PHACTR1: variants seen among roughly 807,000 people sequenced by gnomAD.
PHACTR1 encodes RPEL repeat containing 1.
PHACTR1 carries 16 observed loss-of-function variants against 69.2 expected under a neutral mutation model. The observed-to-expected ratio is 0.23, with a 90% CI of 0.16 to 0.35. The LOEUF (loss-of-function observed/expected upper bound fraction) is 0.35, where lower values mean the gene tolerates loss of function less well. PHACTR1 is among the 10% of genes least tolerant of loss of function. PHACTR1 has a pLI of 1.00. For synonymous variants in PHACTR1, 312 were observed against 284.5 expected (o/e 1.10, Z -0.97); for missense variants, 510 against 734.7 (o/e 0.69, Z 3.54).
chr6:12,928,572 T>C (rs1366984213), intron 4 of PHACTR1, among the ~76,000 whole-genome samples: 1 of 152,206 alleles, frequency 6.6e-6, no homozygotes, highest in African/African-American at 2.4e-5. Context: ...TGCAACTTAC[T>C]TGAAAATTGC....
chr6:13,096,646 T>C (rs1814305954), intron 5 of PHACTR1, among the ~76,000 whole-genome samples: 1 of 152,350 alleles, frequency 6.6e-6, no homozygotes, highest in South Asian at 2.1e-4. Flanking sequence ...ACTCAGGGAA[T>C]TGAAACTCGT....
intron 4 of PHACTR1, among the ~76,000 whole-genome samples, chr6:12,809,733 C>G (rs894431478): frequency 6.6e-6 from 1 of 152,136 alleles, no homozygotes. Flanking sequence ...TAAGTAAGCT[C>G]TATAGTTCAG....
chr6:13,031,536 C>T (rs996847046), intron 4 of PHACTR1, among the ~76,000 whole-genome samples: 1 of 152,134 alleles, frequency 6.6e-6, no homozygotes, highest in Admixed American at 6.5e-5. Flanking sequence ...TGATCTGATT[C>T]TTCTCATATG....
intron 3 of PHACTR1, among the ~76,000 whole-genome samples, chr6:12,738,728 T>C (rs1022643973): frequency 6.6e-6 from 1 of 152,020 alleles, no homozygotes; most frequent in South Asian, 2.1e-4. Context: ...CCAGACGTCA[T>C]GGTGTGCGCT....
chr6:13,035,397 A>G (rs916840918), intron 4 of PHACTR1, among the ~76,000 whole-genome samples: 1 of 150,238 alleles, frequency 6.7e-6, no homozygotes, highest in African/African-American at 2.4e-5. Context: ...ATCTTTTCAA[A>G]ATATAAATAT....
Position 12,995,843 on chromosome 6 carries a change from A to T in PHACTR1, c.251-57522A>T, listed in dbSNP as rs1797361394. Reference sequence around the variant, plus strand: ...CAGTAACTTATACATTAGTTAACTTAGTAATTTTATTGGAGATTTGAACAA... The same window carrying T: ...CAGTAACTTATACATTAGTTAACTTTGTAATTTTATTGGAGATTTGAACAA... On this transcript the variant is annotated intron_variant, in intron 4 of 14. Coordinates refer to ENST00000332995, the MANE Select transcript of PHACTR1 (RefSeq NM_030948.6). Among the ~76,000 whole-genome samples the T allele has an allele frequency of 2.6e-5, 4 of 152,198 alleles. No homozygotes were observed. The South Asian group carries it at 8.3e-4, about 32-fold the overall frequency.
chr6:13,073,763 T>C (rs1446793750), intron 5 of PHACTR1, among the ~76,000 whole-genome samples: 2 of 152,100 alleles, frequency 1.3e-5, no homozygotes, highest in Non-Finnish European at 2.9e-5. Flanking sequence ...TGGGACCAGA[T>C]GACACACAAG....
chr6:12,921,755 G>GGGAGA (rs1787715886), intron 4 of PHACTR1, among the ~76,000 whole-genome samples: 1 of 137,292 alleles, frequency 7.3e-6, no homozygotes, highest in Non-Finnish European at 1.6e-5. Flanking sequence ...AGGAAAGGAA[G>GGGAGA]GAAGGAAGAA....
chr6:12,774,449 C>T (rs1381364982), intron 4 of PHACTR1, among the ~76,000 whole-genome samples: 3 of 152,076 alleles, frequency 2.0e-5, no homozygotes, highest in South Asian at 2.1e-4. Flanking sequence ...TGGAGTGCAA[C>T]GTTGCAATCT....
intron 3 of PHACTR1, among the ~76,000 whole-genome samples, chr6:12,726,153 T>C (rs1021379486): frequency 2.0e-5 from 3 of 152,124 alleles, no homozygotes; most frequent in African/African-American, 7.2e-5. Flanking sequence ...AAAGTAAGAA[T>C]ATACAGCAGG....
At chr6:13,231,467 GGAAGGAAGGAAA>G (rs1771181248) in intron 10 of PHACTR1, among the ~76,000 whole-genome samples, 1 of 149,052 alleles carries the variant, frequency 6.7e-6, no homozygotes, top group African/African-American at 2.5e-5. Flanking sequence ...AAGGAAGGAA[GGAAGGAAGGAAA>G]GAAGGAAGGA....
chr6:12,802,134 A>G (rs1773777194), intron 4 of PHACTR1, among the ~76,000 whole-genome samples: 1 of 148,162 alleles, frequency 6.7e-6, no homozygotes, highest in Non-Finnish European at 1.5e-5. Flanking sequence ...TATTATATAA[A>G]ATAATATGTA....
At chr6:12,788,798 AAG>A (rs1771865932) in intron 4 of PHACTR1, among the ~76,000 whole-genome samples, 1 of 152,196 alleles carries the variant, frequency 6.6e-6, no homozygotes, top group Non-Finnish European at 1.5e-5. Flanking sequence ...TAAGATACGT[AAG>A]AGAACCCTAA....
chr6:12,737,499 TTTTA>T (rs1343553058), intron 3 of PHACTR1, among the ~76,000 whole-genome samples: 1 of 152,204 alleles, frequency 6.6e-6, no homozygotes, highest in East Asian at 1.9e-4. Flanking sequence ...TTATATGTGA[TTTTA>T]TATATGGCTT....
rs370177071 is a variant in PHACTR1 at position 13,053,536 on chromosome 6, T to G, written c.415+7T>G. 4 of 1,611,618 alleles carry G rather than the reference T, an allele frequency of 2.5e-6. No individual in the cohort carries two copies. In the African/African-American group the frequency reaches 5.3e-5, roughly 22 times the overall value. On this transcript the variant is annotated splice_region_variant and intron_variant, in intron 5 of 14. Coordinates refer to ENST00000332995, the MANE Select transcript of PHACTR1 (RefSeq NM_030948.6). ...TTCAAACACACGTCAGCAGGTAAGA[T>G]GATTTGTTCTTTCATTTCCCATTTG...
At chr6:12,748,924 A>G (rs990844072) in intron 3 of PHACTR1, among the ~76,000 whole-genome samples, 1 of 151,978 alleles carries the variant, frequency 6.6e-6, no homozygotes, top group African/African-American at 2.4e-5. Flanking sequence ...TTTTTCCTCC[A>G]CTCCCCACCT....
At chr6:12,906,693 C>T (rs1785766868) in intron 4 of PHACTR1, among the ~76,000 whole-genome samples, 2 of 152,114 alleles carry the variant, frequency 1.3e-5, no homozygotes, top group Non-Finnish European at 2.9e-5. Context: ...CTGTTGTCTT[C>T]GTTTTCTAGC....
At chr6:12,971,034 T>C (rs1033946063) in intron 4 of PHACTR1, among the ~76,000 whole-genome samples, 1 of 152,206 alleles carries the variant, frequency 6.6e-6, no homozygotes, top group Non-Finnish European at 1.5e-5. Context: ...TGATCATTAA[T>C]AGAATAGACA....
intron 3 of PHACTR1, among the ~76,000 whole-genome samples, chr6:12,738,222 A>G (rs1764548978): frequency 1.3e-5 from 2 of 152,290 alleles, no homozygotes; most frequent in South Asian, 4.1e-4. Context: ...TTTTCTCATG[A>G]TTAGACTTAT....
Sources: allele counts gnomAD v4.1 joint callset (sites outside exome capture counted in the v4.1 genomes callset), GRCh38; gene constraint gnomAD v4.1.1; transcripts MANE v1.5; gene names NCBI Gene and HGNC (gene_info 2026-07-23, HGNC 2026-07-21).